The following NUMB variants were observed in gnomAD, a reference collection of about 807,000 sequenced individuals.
NUMB encodes protein numb homolog.
In NUMB, 29 loss-of-function variants were observed where a neutral mutation model predicts 59.7. The observed-to-expected ratio is 0.49, with a 90% CI of 0.36 to 0.66. NUMB has a LOEUF of 0.66. Among genes scored for constraint, NUMB ranks in the 30% least tolerant of loss-of-function variants. NUMB has a pLI of 0.00. For synonymous variants in NUMB, 288 were observed against 288.2 expected, an observed-to-expected ratio of 1.00 and a Z score of 0.01; for missense variants, 723 against 822.0, an observed-to-expected ratio of 0.88 and a Z score of 1.47.
intron 2 of NUMB, among the ~76,000 whole-genome samples, chr14:73,387,979 TTAGCTG>T (rs956833339): frequency 1.0e-4 from 12 of 118,120 alleles, no homozygotes; most frequent in Non-Finnish European, 2.2e-4. Context: ...AAAAAAAAAA[TTAGCTG>T]GTATGCACCT....
intron 6 of NUMB, among the ~76,000 whole-genome samples, chr14:73,311,255 C>T (rs1168202140): frequency 6.6e-6 from 1 of 152,090 alleles, no homozygotes; most frequent in Non-Finnish European, 1.5e-5. Flanking sequence ...GGGGTTTCAC[C>T]ATCCTGGCCA....
chr14:73,445,251 G>C (rs1445755542), intron 1 of NUMB, among the ~76,000 whole-genome samples: 1 of 151,146 alleles, frequency 6.6e-6, no homozygotes, highest in African/African-American at 2.4e-5. Context: ...CTACCCAGGA[G>C]GCTGAGGCAA....
intron 9 of NUMB, 126 bp from the exon 10 acceptor site, chr14:73,284,500 T>G (rs956860908): frequency 5.2e-6 from 4 of 769,386 alleles, no homozygotes; most frequent in South Asian, 1.8e-5. Context: ...TCTTAAAACA[T>G]AAGTTAGAAG....
At chr14:73,310,386 A>C (rs956385726) in intron 6 of NUMB, among the ~76,000 whole-genome samples, 1 of 152,244 alleles carries the variant, frequency 6.6e-6, no homozygotes, top group Non-Finnish European at 1.5e-5. Context: ...CAACTAATTC[A>C]AATTTATAAA....
chr14:73,325,972 C>T (rs1891642124), intron 4 of NUMB, among the ~76,000 whole-genome samples: 1 of 152,072 alleles, frequency 6.6e-6, no homozygotes, highest in South Asian at 2.1e-4. Flanking sequence ...TCTCTCTGAT[C>T]TCCTGCCATT....
At chr14:73,341,577 T>C (rs924830186) in intron 4 of NUMB, among the ~76,000 whole-genome samples, 2 of 152,138 alleles carry the variant, frequency 1.3e-5, no homozygotes, top group African/African-American at 4.8e-5. Flanking sequence ...GATTGATTGA[T>C]GAGGTCTGCT....
intron 1 of NUMB, among the ~76,000 whole-genome samples, chr14:73,437,247 T>C (rs1177173186): frequency 2.0e-5 from 3 of 152,094 alleles, no homozygotes; most frequent in Non-Finnish European, 2.9e-5. Flanking sequence ...GGTTTTGCCA[T>C]GTTGCCCAGG....
intron 11 of NUMB, among the ~76,000 whole-genome samples, chr14:73,279,894 C>T (rs546065302): frequency 1.6e-4 from 24 of 152,326 alleles, no homozygotes; most frequent in Admixed American, 1.2e-3. Context: ...TGGTGGCTCA[C>T]GCCTGTAATC....
intron 4 of NUMB, among the ~76,000 whole-genome samples, chr14:73,353,072 G>GTTCTTTTTT (rs1893522798): frequency 1.7e-5 from 1 of 58,514 alleles, no homozygotes; most frequent in Non-Finnish European, 3.3e-5. Flanking sequence ...AGTTTTTCTT[G>GTTCTTTTTT]TTTTTTTTTT....
At chr14:73,382,310 C>A (rs1895284381) in intron 2 of NUMB, among the ~76,000 whole-genome samples, 3 of 152,134 alleles carry the variant, frequency 2.0e-5, no homozygotes, top group African/African-American at 7.2e-5. Context: ...TCATGCCTGG[C>A]TAATTTTTGT....
intron 2 of NUMB, among the ~76,000 whole-genome samples, chr14:73,401,476 A>C (rs1439222878): frequency 6.6e-6 from 1 of 152,126 alleles, no homozygotes; most frequent in Non-Finnish European, 1.5e-5. Flanking sequence ...CAAAACAAAG[A>C]AGTACAGATC....
chr14:73,430,824 A>G (rs901790472), intron 1 of NUMB, among the ~76,000 whole-genome samples: 7 of 151,996 alleles, frequency 4.6e-5, no homozygotes, highest in Non-Finnish European at 2.9e-5. Context: ...GGGCGCCTGT[A>G]GTCCCAGCTA....
Position 73,398,411 on chromosome 14 carries a change from A to AGTGTGTGT in NUMB, c.-101+11525_-101+11526insACACACAC, listed in dbSNP as rs1275011828. On this transcript the variant is annotated intron_variant, in intron 2 of 12. Transcript: ENST00000555238. ...CACACACAGAGAGAGAGAGAGAGAG[A>AGTGTGTGT]GAGAGTGTGTGTGTGTGTGTGTGTG... 4.8e-5 allele frequency among the ~76,000 whole-genome samples: 5 copies of AGTGTGTGT among 104,124 alleles called. No homozygotes were observed. The East Asian group carries it at 1.3e-3, about 27-fold the overall frequency. 68.3% of individuals were successfully genotyped at this position (104,124 alleles called of 152,430 possible). A position where few individuals can be genotyped will look rare whatever the true frequency, so the allele number is the denominator to read the frequency against.
intron 1 of NUMB, among the ~76,000 whole-genome samples, chr14:73,435,942 G>A (rs1234393082): frequency 6.6e-6 from 1 of 151,332 alleles, no homozygotes; most frequent in Non-Finnish European, 1.5e-5. Context: ...AAAGGTGGAG[G>A]TTGCAGTGAG....
At chr14:73,387,598 T>G (rs191315380) in intron 2 of NUMB, among the ~76,000 whole-genome samples, 15 of 152,134 alleles carry the variant, frequency 9.9e-5, no homozygotes, top group African/African-American at 3.6e-4. Flanking sequence ...CCAGCCATGC[T>G]AAACTGTGAG....
intron 4 of NUMB, among the ~76,000 whole-genome samples, chr14:73,352,587 T>TGCAGTG (rs1488051780): frequency 1.1e-3 from 145 of 133,216 alleles, no homozygotes; most frequent in African/African-American, 3.8e-3. Flanking sequence ...CAGGCTGGAG[T>TGCAGTG]GCAGTGGCAC....
chr14:73,294,124 C>T (rs11624521), intron 7 of NUMB, among the ~76,000 whole-genome samples: 48,835 of 152,066 alleles, frequency 0.32, 9,038 homozygotes, highest in East Asian at 0.71. Context: ...TTGGAAGTGT[C>T]ATATTTTTGG....
At position 73,300,084 on chromosome 14, in the gene NUMB, A is replaced by G. The variant is rs567989511; in HGVS notation, c.235-2799T>C. ...AATAAACTTTTAAAAACCTCTCCCA[A>G]TAGTAAAGCAGAATTCTTAAAAGAG... On this transcript the variant is annotated intron_variant, in intron 6 of 12. Transcript: ENST00000555238. 5.3e-5 allele frequency among the ~76,000 whole-genome samples: 8 copies of G among 152,322 alleles called. No homozygotes were observed. The South Asian group carries it at 1.4e-3, about 28-fold the overall frequency.
chr14:73,341,006 T>A (rs945400039), intron 4 of NUMB, among the ~76,000 whole-genome samples: 3 of 152,218 alleles, frequency 2.0e-5, no homozygotes, highest in African/African-American at 7.2e-5. Flanking sequence ...CCTGATGCCA[T>A]GTGAAGATGG....
Sources: allele counts gnomAD v4.1 joint callset (sites outside exome capture counted in the v4.1 genomes callset), GRCh38; gene constraint gnomAD v4.1.1; transcripts MANE v1.5; gene names NCBI Gene and HGNC (gene_info 2026-07-23, HGNC 2026-07-21).